The following PSEN2 variants were observed in gnomAD, a reference collection of about 807,000 sequenced individuals.
PSEN2 encodes presenilin-2.
In PSEN2, 32 loss-of-function variants were observed where a neutral mutation model predicts 49.1. The ratio of observed to expected loss-of-function variants is 0.65; its 90% confidence interval spans 0.49 to 0.88. The LOEUF is 0.88. Among genes scored for constraint, PSEN2 ranks in the 40% least tolerant of loss-of-function variants. The pLI is 0.00. For synonymous variants in PSEN2, 255 were observed against 244.0 expected (o/e 1.05, Z -0.42); for missense variants, 522 against 586.9 (o/e 0.89, Z 1.14).
chr1:226,886,440 T>C (rs545803771), intron 6 of PSEN2, among the ~76,000 whole-genome samples: 3 of 151,968 alleles, frequency 2.0e-5, no homozygotes, highest in Non-Finnish European at 2.9e-5. Context: ...CCCCAGGGAG[T>C]AGTGGAAGGG....
intron 2 of PSEN2, 102 bp from the exon 3 acceptor site, chr1:226,875,263 C>T (rs892034355): frequency 6.6e-6 from 1 of 152,410 alleles, no homozygotes; most frequent in Non-Finnish European, 1.5e-5. Flanking sequence ...GGACCAAATA[C>T]ATAGTCGGGT....
At chr1:226,872,984 C>T (rs1029238216) in intron 2 of PSEN2, among the ~76,000 whole-genome samples, 6 of 152,106 alleles carry the variant, frequency 3.9e-5, no homozygotes, top group Non-Finnish European at 8.8e-5. Flanking sequence ...TTGAGACCAG[C>T]CTGACCAACA....
intron 5 of PSEN2, among the ~76,000 whole-genome samples, chr1:226,885,260 G>A (rs1048901891): frequency 2.6e-5 from 4 of 152,084 alleles, no homozygotes; most frequent in Admixed American, 2.0e-4. Flanking sequence ...CCCTGTGGGG[G>A]TGGGGAAAGC....
intron 9 of PSEN2, 99 bp from the exon 10 acceptor site, chr1:226,891,179 G>A: frequency 1.0e-6 from 1 of 1,004,374 alleles, no homozygotes; most frequent in Non-Finnish European, 1.5e-6. Context: ...GGAGGGTCCT[G>A]TGCAGGCTTT....
intron 3 of PSEN2, among the ~76,000 whole-genome samples, chr1:226,878,959 A>G (rs769089528): frequency 7.9e-5 from 12 of 152,200 alleles, no homozygotes; most frequent in Non-Finnish European, 1.8e-4. Context: ...GGGTCCAGGC[A>G]GGAGTCTGTT....
At chr1:226,900,221 G>A (rs1222248517), downstream of PSEN2, among the ~76,000 whole-genome samples, 1 of 152,130 alleles carries the variant, frequency 6.6e-6, no homozygotes, top group African/African-American at 2.4e-5. Context: ...TGAGGGGAAG[G>A]TGATGGAGCT....
At chr1:226,889,332 A>C (rs1661585164) in intron 8 of PSEN2, among the ~76,000 whole-genome samples, 1 of 151,134 alleles carries the variant, frequency 6.6e-6, no homozygotes, top group Non-Finnish European at 1.5e-5. Context: ...GCTGGAGTGT[A>C]GTGGCGCCAT....
intron 2 of PSEN2, among the ~76,000 whole-genome samples, chr1:226,874,011 A>C (rs12091957): frequency 0.053 from 8,021 of 152,038 alleles, 360 homozygotes; most frequent in East Asian, 0.18. Context: ...GGCACTCCCC[A>C]CCATGGAGCC....
At chr1:226,871,954 C>T (rs987741241) in intron 2 of PSEN2, among the ~76,000 whole-genome samples, 1 of 152,230 alleles carries the variant, frequency 6.6e-6, no homozygotes, top group African/African-American at 2.4e-5. Context: ...GGAGTGAGGG[C>T]TTGGGGGCAT....
At chr1:226,893,332 A>G (rs150207043) in intron 11 of PSEN2, among the ~76,000 whole-genome samples, 9 of 152,226 alleles carry the variant, frequency 5.9e-5, no homozygotes, top group South Asian at 2.1e-4. Context: ...GAAGGAGGAC[A>G]GCTGGGGCCA....
Position 226,888,809 on chromosome 1 carries a change from G to A in PSEN2, c.567-20G>A. On this transcript the variant is annotated intron_variant, in intron 7 of 12. Transcript: ENST00000366783. Reference sequence around the variant, plus strand: ...TGCCTCCACTGAGTCCCAGTCACAGGCTCCACCTTGGTCCTGCAGGGAAGT... The same window carrying A: ...TGCCTCCACTGAGTCCCAGTCACAGACTCCACCTTGGTCCTGCAGGGAAGT... 1.2e-6 allele frequency: 2 copies of A among 1,605,956 alleles called. No individual in the cohort carries two copies. The highest frequency in any genetic ancestry group is 1.7e-6 in the Non-Finnish European group (2 of 1,172,496).
At chr1:226,883,320 A>G (rs1324816160) in intron 4 of PSEN2, among the ~76,000 whole-genome samples, 2 of 152,248 alleles carry the variant, frequency 1.3e-5, no homozygotes, top group Non-Finnish European at 2.9e-5. Flanking sequence ...TTGTCAGCCA[A>G]AAATGTTTAT....
chr1:226,896,183 ATGG>A (rs1662138621), downstream of PSEN2: 1 of 160,336 alleles, frequency 6.2e-6, no homozygotes, highest in Non-Finnish European at 1.4e-5. Context: ...TGAGCCCAGG[ATGG>A]AGGCAGTTTG....
At chr1:226,874,117 T>G (rs1660476750) in intron 2 of PSEN2, among the ~76,000 whole-genome samples, 1 of 151,734 alleles carries the variant, frequency 6.6e-6, no homozygotes, top group Admixed American at 6.6e-5. Flanking sequence ...AGCTGGTGAG[T>G]GAGTGATTAG....
chr1:226,884,172 G>A (rs1022807486), intron 5 of PSEN2, among the ~76,000 whole-genome samples: 4 of 152,214 alleles, frequency 2.6e-5, no homozygotes, highest in African/African-American at 4.8e-5. Context: ...CAGTTACTGG[G>A]AGAATTAAGT....
chr1:226,881,565 A>G (rs1232328370), intron 3 of PSEN2, among the ~76,000 whole-genome samples: 2 of 152,196 alleles, frequency 1.3e-5, no homozygotes, highest in African/African-American at 4.8e-5. Context: ...TTTGGTGCAT[A>G]ATAGATGCAC....
At position 226,894,079 on chromosome 1, in the gene PSEN2, G is replaced by C; in HGVS notation, c.1145G>C (p.Ser382Thr). 6.2e-7 allele frequency: 1 copy of C among 1,614,226 alleles called. No individual in the cohort carries two copies. Among genetic ancestry groups the C allele is most frequent in the Non-Finnish European group, 8.5e-7 (1 of 1,180,024 alleles). ...GTGGGCAAGGCGGCTGCCACGGGCA[G>C]CGGGGACTGGAATACCACGCTGGCC... Reference protein sequence around the residue: ...VLVGKAAATGSGDWNTTLACF... With the variant: ...VLVGKAAATGTGDWNTTLACF... The change falls in exon 12 of 13, where the codon AGC becomes ACC. Residue 382 changes from serine to threonine, a missense_variant. By Grantham distance (58) the Ser-to-Thr change is moderately conservative. Coordinates refer to ENST00000366783, the MANE Select transcript of PSEN2 (RefSeq NM_000447.3).
chr1:226,881,646 C>T (rs1390188580), intron 3 of PSEN2, among the ~76,000 whole-genome samples: 6 of 152,300 alleles, frequency 3.9e-5, no homozygotes, highest in Admixed American at 1.3e-4. Context: ...CGTGGCTATG[C>T]GTTTTGCCCC....
rs540463755 is a variant in PSEN2 at position 226,883,594 on chromosome 1, T to C, written c.142-111T>C. 6 of 1,034,214 alleles carry C rather than the reference T, an allele frequency of 5.8e-6. No individual in the cohort carries two copies. The Admixed American group carries it at 9.9e-5, about 17-fold the overall frequency. The allele number at this position is 1,034,214 out of a possible 1,614,324, so 64.1% of individuals were successfully genotyped here. ...AGTAGCTCATAGACTGCTCCTTATA[T>C]CTGGAAAGCAACATTCAAACTTCTC... On this transcript the variant is annotated intron_variant, in intron 4 of 12. Transcript: ENST00000366783.
Sources: gnomAD v4.1 joint callset for allele counts (sites outside exome capture counted in the v4.1 genomes callset) on GRCh38, gnomAD v4.1.1 for gene constraint, MANE v1.5 for transcripts, NCBI Gene and HGNC (gene_info 2026-07-23, HGNC 2026-07-21) for gene names.